Variants in RAB22A observed in about 807,000 individuals in gnomAD.
The protein encoded by RAB22A is ras-related protein Rab-22A.
RAB22A carries 13 observed loss-of-function variants against 30.2 expected under a neutral mutation model. That is an observed-to-expected ratio of 0.43 (90% confidence interval 0.28 to 0.68). The LOEUF is 0.68. RAB22A is among the 30% of genes least tolerant of loss of function. The pLI, the probability that RAB22A is intolerant of heterozygous loss-of-function variation, is 0.18. For synonymous variants in RAB22A, 89 were observed against 87.2 expected, an observed-to-expected ratio of 1.02 and a Z score of -0.11; for missense variants, 177 against 246.8, an observed-to-expected ratio of 0.72 and a Z score of 1.89.
intron 2 of RAB22A, among the ~76,000 whole-genome samples, chr20:58,341,582 C>T (rs929143957): frequency 5.9e-5 from 9 of 151,840 alleles, no homozygotes; most frequent in East Asian, 3.9e-4. Context: ...AGGAAGGAGG[C>T]GTGGTGAAAG....
At chr20:58,319,735 A>G (rs1986415305) in intron 2 of RAB22A, among the ~76,000 whole-genome samples, 2 of 152,162 alleles carry the variant, frequency 1.3e-5, no homozygotes, top group African/African-American at 4.8e-5. Context: ...TCAGTCTTTT[A>G]CCATTCAATT....
chr20:58,347,944 T>C (rs976726180), intron 3 of RAB22A, among the ~76,000 whole-genome samples: 1 of 152,208 alleles, frequency 6.6e-6, no homozygotes, highest in Non-Finnish European at 1.5e-5. Flanking sequence ...GAAAGCTTCT[T>C]GGCCAGGCAT....
rs925759629 is a variant in RAB22A, at chr20:58,365,277, T to G, written c.*5574T>G. 7 of 152,192 alleles carry G rather than the reference T, an allele frequency of 4.6e-5. No individual in the cohort carries two copies. Among genetic ancestry groups the G allele is most frequent in the African/African-American group, 1.4e-4 (6 of 41,446 alleles). 9.4% of individuals were successfully genotyped at this position (152,192 alleles called of 1,614,324 possible). On this transcript the variant is annotated 3_prime_UTR_variant, in exon 7 of 7. Transcript: ENST00000244040. ...AACCCCTCAGCATCTAACGTCATCT[T>G]GTAGAAGAGCTGGGCATACCTCTTC...
intron 2 of RAB22A, among the ~76,000 whole-genome samples, chr20:58,325,804 T>G (rs1018676210): frequency 1.4e-4 from 22 of 152,210 alleles, no homozygotes; most frequent in Non-Finnish European, 2.9e-5. Flanking sequence ...TTGAAAAGGT[T>G]GTATTCTCTA....
At chr20:58,355,132 G>A (rs1202051542) in intron 6 of RAB22A, among the ~76,000 whole-genome samples, 1 of 152,170 alleles carries the variant, frequency 6.6e-6, no homozygotes, top group Non-Finnish European at 1.5e-5. Flanking sequence ...AGAGCAGGGT[G>A]GATGTAGCGT....
At chr20:58,355,405 G>T (rs573448197) in intron 6 of RAB22A, among the ~76,000 whole-genome samples, 4 of 151,994 alleles carry the variant, frequency 2.6e-5, no homozygotes, top group African/African-American at 9.7e-5. Context: ...GTTTAGATTT[G>T]GCCAATCATT....
intron 2 of RAB22A, among the ~76,000 whole-genome samples, chr20:58,324,992 T>C (rs1365286687): frequency 3.5e-5 from 5 of 143,376 alleles, no homozygotes. Context: ...CTGGCCAACA[T>C]GGTGAAACCC....
chr20:58,324,865 C>CAAA (rs35375006), intron 2 of RAB22A, among the ~76,000 whole-genome samples: 4 of 29,746 alleles, frequency 1.3e-4, no homozygotes, highest in Non-Finnish European at 1.8e-4. Context: ...GACTCCGTCT[C>CAAA]AAAAAAAAAA....
In RAB22A at chr20:58,317,781, C is replaced by T. The variant is rs542575097; in HGVS notation, c.116+6659C>T. Among the ~76,000 whole-genome samples, 178 of 151,026 alleles carry T rather than the reference C, an allele frequency of 1.2e-3. 1 individual carries two copies. The highest frequency in any genetic ancestry group is 6.9e-3 in the Middle Eastern group (2 of 288). ...CACCATGGTCTTGATCTCCTGACCT[C>T]GTGATCCGCCTGCCTTGGCCTCCCA... On this transcript the variant is annotated intron_variant, in intron 2 of 6. Coordinates refer to ENST00000244040, the MANE Select transcript of RAB22A (RefSeq NM_020673.3).
rs748860619 is a variant in RAB22A at position 58,363,848 on chromosome 20, A to G, written c.*4145A>G. The G allele has an allele frequency of 6.6e-6, 1 of 152,312 alleles. No individual in the cohort carries two copies. Among genetic ancestry groups the G allele is most frequent in the Non-Finnish European group, 1.5e-5 (1 of 68,036 alleles). 9.4% of individuals were successfully genotyped at this position (152,312 alleles called of 1,614,324 possible). A position where few individuals can be genotyped will look rare whatever the true frequency, so the allele number is the denominator to read the frequency against. ...GCTGTGCTGTGATTTAAAAAAAAAT[A>G]GTCTAAGAAACAAATTTATCCATGA... On this transcript the variant is annotated 3_prime_UTR_variant, in exon 7 of 7. Coordinates refer to ENST00000244040, the MANE Select transcript of RAB22A (RefSeq NM_020673.3).
chr20:58,329,769 A>C (rs1986632118), intron 2 of RAB22A, among the ~76,000 whole-genome samples: 1 of 152,074 alleles, frequency 6.6e-6, no homozygotes, highest in Admixed American at 6.5e-5. Context: ...GGAGGCTCTG[A>C]GTTTGTGTCC....
At position 58,363,805 on chromosome 20, in the gene RAB22A, A is replaced by T. The variant is rs1188660163; in HGVS notation, c.*4102A>T. Reference sequence around the variant, plus strand: ...TAAATGATTCAAGGTAATGTTTAGGATATTTGTTTTAACTCCTGCTGTGCT... The same window carrying T: ...TAAATGATTCAAGGTAATGTTTAGGTTATTTGTTTTAACTCCTGCTGTGCT... On this transcript the variant is annotated 3_prime_UTR_variant, in exon 7 of 7. Coordinates refer to ENST00000244040, the MANE Select transcript of RAB22A (RefSeq NM_020673.3). The T allele has an allele frequency of 6.6e-6, 1 of 152,206 alleles. No homozygotes were observed. The highest frequency in any genetic ancestry group is 1.5e-5 in the Non-Finnish European group (1 of 68,042). The allele number at this position is 152,206 out of a possible 1,614,324, so 9.4% of individuals were successfully genotyped here. A position where few individuals can be genotyped will look rare whatever the true frequency, so the allele number is the denominator to read the frequency against.
intron 2 of RAB22A, among the ~76,000 whole-genome samples, chr20:58,330,704 A>G (rs1256941632): frequency 6.6e-6 from 1 of 152,110 alleles, no homozygotes; most frequent in Admixed American, 6.5e-5. Flanking sequence ...TTGGGACACT[A>G]TCTTTGCTTC....
At chr20:58,351,837 T>C (rs1383352048) in intron 3 of RAB22A, among the ~76,000 whole-genome samples, 2 of 152,182 alleles carry the variant, frequency 1.3e-5, no homozygotes, top group Non-Finnish European at 2.9e-5. Context: ...AATCCAAATA[T>C]ATTAGTAAAT....
chr20:58,353,064 C>T (rs1005330537), intron 3 of RAB22A, among the ~76,000 whole-genome samples: 1 of 152,212 alleles, frequency 6.6e-6, no homozygotes, highest in African/African-American at 2.4e-5. Flanking sequence ...AAACTGTATT[C>T]TGAACTATCT....
At chr20:58,346,372 C>T (rs1271189523) in intron 3 of RAB22A, among the ~76,000 whole-genome samples, 2 of 152,238 alleles carry the variant, frequency 1.3e-5, no homozygotes, top group South Asian at 2.1e-4. Flanking sequence ...CCAAGCCCCA[C>T]GTGACTTGCC....
chr20:58,351,148 C>A (rs1271181845), intron 3 of RAB22A, among the ~76,000 whole-genome samples: 1 of 151,844 alleles, frequency 6.6e-6, no homozygotes, highest in African/African-American at 2.4e-5. Context: ...ATCAGCCTGT[C>A]CAACATGGCA....
rs1213338224 is a variant in RAB22A at position 58,353,253 on chromosome 20, T to C, written c.199-20T>C. 1 of 1,600,646 alleles carries C rather than the reference T, an allele frequency of 6.2e-7. No individual in the cohort carries two copies. Among genetic ancestry groups the C allele is most frequent in the South Asian group, 1.1e-5 (1 of 89,714 alleles). On this transcript the variant is annotated intron_variant, in intron 3 of 6. Transcript: ENST00000244040. ...TAACCAGTTTTCCCAATTTTGTTTA[T>C]TTTTCCCCCTCCTCTGCAGTTTCGT...
chr20:58,347,239 G>A (rs1006003864), intron 3 of RAB22A, among the ~76,000 whole-genome samples: 2 of 152,144 alleles, frequency 1.3e-5, no homozygotes, highest in African/African-American at 4.8e-5. Flanking sequence ...TTTGACAGAT[G>A]GATTGTCTTT....
Sources: allele counts gnomAD v4.1 joint callset (sites outside exome capture counted in the v4.1 genomes callset), GRCh38; gene constraint gnomAD v4.1.1; transcripts MANE v1.5; gene names NCBI Gene and HGNC (gene_info 2026-07-23, HGNC 2026-07-21).